The following GRM5 variants were observed in gnomAD, a reference collection of about 807,000 sequenced individuals.
GRM5 encodes glutamate metabotropic receptor 5.
GRM5 carries 19 observed loss-of-function variants against 83.1 expected under a neutral mutation model. The ratio of observed to expected loss-of-function variants is 0.23; its 90% CI spans 0.16 to 0.34. The LOEUF is 0.34. GRM5 is among the 10% of genes least tolerant of loss of function. The pLI is 1.00. For synonymous variants in GRM5, 675 were observed against 633.6 expected (o/e 1.07, Z -0.98); for missense variants, 1,160 against 1,588.3 (o/e 0.73, Z 4.58).
At chr11:88,603,238 G>C (rs1274324284) in intron 5 of GRM5, among the ~76,000 whole-genome samples, 2 of 152,210 alleles carry the variant, frequency 1.3e-5, no homozygotes, top group Non-Finnish European at 2.9e-5. Flanking sequence ...CATTGGAATA[G>C]AGCTGGACCT....
intron 9 of GRM5, among the ~76,000 whole-genome samples, chr11:88,523,553 A>G (rs548156356): frequency 1.3e-5 from 2 of 152,314 alleles, no homozygotes; most frequent in South Asian, 4.1e-4. Flanking sequence ...TTGCAGATGC[A>G]CTGAGATCCA....
chr11:88,787,638 T>C (rs1943098301), intron 3 of GRM5, among the ~76,000 whole-genome samples: 1 of 152,058 alleles, frequency 6.6e-6, no homozygotes, highest in Non-Finnish European at 1.5e-5. Flanking sequence ...TCCCATGATT[T>C]GGGTTAAGAA....
At chr11:88,869,868 C>T (rs1488938553) in intron 2 of GRM5, among the ~76,000 whole-genome samples, 2 of 151,288 alleles carry the variant, frequency 1.3e-5, no homozygotes, top group Non-Finnish European at 3.0e-5. Context: ...GTATAAAATC[C>T]CTGGTTATAT....
intron 2 of GRM5, among the ~76,000 whole-genome samples, chr11:88,959,442 T>C (rs1278016877): frequency 1.3e-5 from 2 of 151,696 alleles, no homozygotes; most frequent in Admixed American, 6.6e-5. Flanking sequence ...AAACATATTA[T>C]AATTAATTTT....
chr11:88,543,729 T>A (rs1942326661), intron 8 of GRM5, among the ~76,000 whole-genome samples: 1 of 151,500 alleles, frequency 6.6e-6, no homozygotes, highest in African/African-American at 2.4e-5. Context: ...ACTTCCTTAC[T>A]AACATTATTT....
intron 2 of GRM5, among the ~76,000 whole-genome samples, chr11:88,903,615 G>C (rs1400584230): frequency 2.0e-5 from 3 of 152,098 alleles, no homozygotes; most frequent in Non-Finnish European, 4.4e-5. Context: ...TGGAACAGGA[G>C]GCCATTATCT....
intron 5 of GRM5, among the ~76,000 whole-genome samples, chr11:88,603,013 C>G (rs1565356523): frequency 1.3e-5 from 2 of 152,142 alleles, no homozygotes; most frequent in African/African-American, 4.8e-5. Flanking sequence ...ATGTTATACT[C>G]AAACCTAGTA....
chr11:89,022,985 C>T (rs768740302), intron 2 of GRM5, among the ~76,000 whole-genome samples: 7 of 152,112 alleles, frequency 4.6e-5, no homozygotes, highest in Non-Finnish European at 8.8e-5. Context: ...AGGGATGGGT[C>T]CCAAGAATGT....
intron 3 of GRM5, among the ~76,000 whole-genome samples, chr11:88,679,331 A>T (rs933493784): frequency 6.9e-6 from 1 of 144,740 alleles, no homozygotes; most frequent in Non-Finnish European, 1.5e-5. Flanking sequence ...AAGAAAAAGA[A>T]CACAGAGAAT....
intron 3 of GRM5, among the ~76,000 whole-genome samples, chr11:88,753,592 A>G (rs944418031): frequency 2.6e-5 from 4 of 152,216 alleles, no homozygotes; most frequent in Non-Finnish European, 5.9e-5. Context: ...AAAGGAATAT[A>G]AACCATTATA....
chr11:88,535,197 C>T (rs1343438885), intron 8 of GRM5, among the ~76,000 whole-genome samples: 1 of 152,104 alleles, frequency 6.6e-6, no homozygotes, highest in African/African-American at 2.4e-5. Context: ...AACAAGCCAT[C>T]CCATCCTTAC....
At chr11:88,599,037 T>C (rs968769702) in intron 5 of GRM5, among the ~76,000 whole-genome samples, 2 of 152,236 alleles carry the variant, frequency 1.3e-5, no homozygotes. Flanking sequence ...TTCTTCCTTA[T>C]TAGACTGCTC....
At chr11:88,674,531 A>G (rs1940274517) in intron 3 of GRM5, among the ~76,000 whole-genome samples, 1 of 151,876 alleles carries the variant, frequency 6.6e-6, no homozygotes, top group African/African-American at 2.4e-5. Flanking sequence ...AGTACTGTTC[A>G]TTTCACCAGT....
chr11:88,511,215 C>A (rs548003738), intron 9 of GRM5, among the ~76,000 whole-genome samples: 1 of 152,284 alleles, frequency 6.6e-6, no homozygotes, highest in East Asian at 1.9e-4. Flanking sequence ...CCATCCTTTT[C>A]TTCTAAATCC....
chr11:88,923,839 A>AATATATATATATTCATATATCTGAAT (rs34547887), intron 2 of GRM5, among the ~76,000 whole-genome samples: 2 of 150,762 alleles, frequency 1.3e-5, no homozygotes, highest in Non-Finnish European at 3.0e-5. Flanking sequence ...CGTATACCTG[A>AATATATATATATTCATATATCTGAAT]ATATATATAT....
chr11:88,942,744 A>AG (rs1433120582), intron 2 of GRM5, among the ~76,000 whole-genome samples: 2 of 151,912 alleles, frequency 1.3e-5, no homozygotes, highest in Non-Finnish European at 1.5e-5. Context: ...ATTAAAAAAA[A>AG]AATGGGACAC....
intron 2 of GRM5, among the ~76,000 whole-genome samples, chr11:89,029,418 T>C (rs1941208600): frequency 1.3e-5 from 2 of 152,186 alleles, no homozygotes; most frequent in Admixed American, 1.3e-4. Flanking sequence ...GTGAGAAGGT[T>C]GATAGAAAAC....
chr11:88,675,348 G>A (rs959287134), intron 3 of GRM5, among the ~76,000 whole-genome samples: 10 of 151,854 alleles, frequency 6.6e-5, no homozygotes, highest in Non-Finnish European at 1.2e-4. Context: ...GTAAATGGAC[G>A]GAGTGAGGCA....
chr11:89,041,589 G>C (rs1941535727), intron 2 of GRM5, among the ~76,000 whole-genome samples: 4 of 152,178 alleles, frequency 2.6e-5, no homozygotes, highest in Admixed American at 2.6e-4. Flanking sequence ...AACTCTCTTA[G>C]AAATTATTTA....
Sources: gnomAD v4.1 joint callset for allele counts (sites outside exome capture counted in the v4.1 genomes callset) on GRCh38, gnomAD v4.1.1 for gene constraint, MANE v1.5 for transcripts, NCBI Gene and HGNC (gene_info 2026-07-23, HGNC 2026-07-21) for gene names.